Variants in CPXM2 observed in about 807,000 individuals in gnomAD.
CPXM2 encodes inactive carboxypeptidase-like protein X2.
CPXM2 carries 66 observed loss-of-function variants against 86.1 expected under a neutral mutation model. That is an observed-to-expected ratio of 0.77 (90% confidence interval 0.63 to 0.94). The LOEUF is 0.94. Ranked by LOEUF, CPXM2 falls within the 40% of genes least tolerant of loss-of-function variation. CPXM2 has a pLI of 0.00. For synonymous variants in CPXM2, 388 were observed against 400.2 expected (o/e 0.97, Z 0.36); for missense variants, 948 against 1,026.3 (o/e 0.92, Z 1.04).
intron 6 of CPXM2, among the ~76,000 whole-genome samples, chr10:123,784,704 C>G (rs1465572052): frequency 6.6e-6 from 1 of 152,216 alleles, no homozygotes; most frequent in African/African-American, 2.4e-5. Context: ...CACTCCCTCA[C>G]GAAGCAGCCT....
chr10:123,895,689 C>T (rs908067440), upstream of CPXM2, among the ~76,000 whole-genome samples: 5 of 152,120 alleles, frequency 3.3e-5, no homozygotes, highest in Non-Finnish European at 7.4e-5. Context: ...TGAGTCTCTC[C>T]GCGTAGTGTA....
intron 13 of CPXM2, among the ~76,000 whole-genome samples, chr10:123,753,866 G>C (rs761463513): frequency 2.0e-5 from 3 of 152,122 alleles, no homozygotes; most frequent in Non-Finnish European, 4.4e-5. Flanking sequence ...AGGGAATCAC[G>C]CGTACTAACC....
At chr10:123,855,737 C>T (rs1848709157) in intron 3 of CPXM2, among the ~76,000 whole-genome samples, 1 of 152,220 alleles carries the variant, frequency 6.6e-6, no homozygotes, top group South Asian at 2.1e-4. Flanking sequence ...AAATATCCCA[C>T]CTCATTTTAG....
chr10:123,809,179 C>T (rs1847639560), intron 4 of CPXM2, among the ~76,000 whole-genome samples: 1 of 152,042 alleles, frequency 6.6e-6, no homozygotes, highest in Non-Finnish European at 1.5e-5. Flanking sequence ...GTGCTTATAA[C>T]CTTTATTTTA....
chr10:123,941,158 G>A (rs1377662862), upstream of CPXM2, among the ~76,000 whole-genome samples: 3 of 152,130 alleles, frequency 2.0e-5, no homozygotes, highest in Non-Finnish European at 2.9e-5. Flanking sequence ...GTGACAGAGC[G>A]AGACTTCATC....
At chr10:123,930,744 C>T (rs542457833) in intron 2 of CPXM2, among the ~76,000 whole-genome samples, 5 of 152,306 alleles carry the variant, frequency 3.3e-5, no homozygotes, top group South Asian at 4.1e-4. Context: ...TCCAGTGAGT[C>T]GATCCAATGA....
At chr10:123,781,616 A>G (rs1846936558) in intron 6 of CPXM2, among the ~76,000 whole-genome samples, 1 of 152,146 alleles carries the variant, frequency 6.6e-6, no homozygotes, top group African/African-American at 2.4e-5. Context: ...GCCACTCTAG[A>G]GGCAGTGGGG....
At chr10:123,800,755 A>G (rs750492) in intron 4 of CPXM2, among the ~76,000 whole-genome samples, 7,355 of 149,404 alleles carry the variant, frequency 0.049, 220 homozygotes, top group South Asian at 0.084. Flanking sequence ...AAAAAAGGAA[A>G]TGAAAGCCAA....
intron 2 of CPXM2, 53 bp from the exon 3 acceptor site, chr10:123,862,776 GT>G: frequency 1.3e-6 from 2 of 1,486,804 alleles, no homozygotes; most frequent in Non-Finnish European, 1.9e-6. Flanking sequence ...AAAGGGATGA[GT>G]TTCTTATTTT....
intron 6 of CPXM2, among the ~76,000 whole-genome samples, chr10:123,797,299 G>A (rs1202580691): frequency 6.6e-6 from 1 of 152,206 alleles, no homozygotes; most frequent in African/African-American, 2.4e-5. Context: ...ACTACCCAGT[G>A]TAATGGTATC....
rs1945612276 is a variant in CPXM2, at chr10:123,925,057, A to G, written n.174+14420T>C. Among the ~76,000 whole-genome samples the G allele has an allele frequency of 2.7e-5, 4 of 146,576 alleles. No individual in the cohort carries two copies. The Admixed American group carries it at 2.7e-4, about 10-fold the overall frequency. ...ATTGTTAGGAAGTAAGTGCTAAGGG[A>G]TTATGATTTAGGGGTAAAGTGTCAT... On this transcript the variant is annotated intron_variant and non_coding_transcript_variant, in intron 2 of 19. Transcript: ENST00000368854.
intron 13 of CPXM2, among the ~76,000 whole-genome samples, chr10:123,749,860 C>T (rs574307885): frequency 1.7e-4 from 26 of 152,248 alleles, no homozygotes; most frequent in Non-Finnish European, 2.9e-4. Context: ...GGCTGGAGTA[C>T]AGTGGCTTGA....
chr10:123,919,534 T>C (rs1031552815), intron 2 of CPXM2, among the ~76,000 whole-genome samples: 2 of 152,162 alleles, frequency 1.3e-5, no homozygotes, highest in Admixed American at 6.6e-5. Flanking sequence ...AATAGAAAGT[T>C]ACAAGCTCTC....
At chr10:123,908,534 G>C (rs977299832) in intron 2 of CPXM2, among the ~76,000 whole-genome samples, 19 of 152,290 alleles carry the variant, frequency 1.2e-4, no homozygotes, top group African/African-American at 4.3e-4. Flanking sequence ...TAGGGAGACA[G>C]ACATGCAGAT....
chr10:123,750,994 AG>A, intron 13 of CPXM2: 1 of 985,452 alleles, frequency 1.0e-6, no homozygotes, highest in Non-Finnish European at 1.2e-6. Context: ...ATGAGTGCTC[AG>A]GTCTGTGTTC....
In CPXM2 at chr10:123,810,018, C is replaced by T. The variant is rs539841492; in HGVS notation, c.654-10819G>A. On this transcript the variant is annotated intron_variant, in intron 4 of 13. Coordinates refer to ENST00000241305, the MANE Select transcript of CPXM2 (RefSeq NM_198148.3). ...AATATACTGTTCATAGGAAACAGAC[C>T]CAAAATGTAAGAAAGTTGAAATTAA... is the stretch of plus-strand genomic sequence containing the variant. Among the ~76,000 whole-genome samples the T allele has an allele frequency of 1.7e-4, 25 of 151,328 alleles. 1 individual carries two copies. The South Asian group carries it at 5.2e-3, about 32-fold the overall frequency.
At chr10:123,917,996 G>T (rs986879215) in intron 2 of CPXM2, among the ~76,000 whole-genome samples, 2 of 152,196 alleles carry the variant, frequency 1.3e-5, no homozygotes, top group Non-Finnish European at 2.9e-5. Flanking sequence ...GTTCAAGACT[G>T]TAGGGCAGGT....
chr10:123,902,240 C>T (rs900635002), intron 2 of CPXM2, among the ~76,000 whole-genome samples: 1 of 152,116 alleles, frequency 6.6e-6, no homozygotes, highest in Admixed American at 6.5e-5. Context: ...AGGCAGGTTA[C>T]CCAGGGGAGT....
chr10:123,797,967 T>A lies in CPXM2; in HGVS notation c.889+9A>T. ...CCACCCTGCAGGAAGCACAGGAGGG[T>A]GAACTCACCTGGCAGTGGGCAGCCC... On this transcript the variant is annotated intron_variant, in intron 6 of 13. Coordinates refer to ENST00000241305, the MANE Select transcript of CPXM2 (RefSeq NM_198148.3). 6.3e-7 allele frequency: 1 copy of A among 1,588,568 alleles called. No homozygotes were observed. The highest frequency in any genetic ancestry group is 1.2e-5 in the South Asian group (1 of 86,096).
Sources: allele counts gnomAD v4.1 joint callset (sites outside exome capture counted in the v4.1 genomes callset), GRCh38; gene constraint gnomAD v4.1.1; transcripts MANE v1.5; gene names NCBI Gene and HGNC (gene_info 2026-07-23, HGNC 2026-07-21).